Variants in ASTN1 observed in about 807,000 individuals in gnomAD.
ASTN1 encodes the protein astrotactin-1.
Under a neutral mutation model 140.7 loss-of-function variants are expected in ASTN1, and 41 were observed. The observed-to-expected ratio is 0.29, with a 90% CI of 0.23 to 0.38. ASTN1 has a LOEUF of 0.38. Among genes scored for constraint, ASTN1 ranks in the 10% least tolerant of loss-of-function variants. The pLI is 1.00. For synonymous variants in ASTN1, 640 were observed against 652.2 expected (o/e 0.98, Z 0.29); for missense variants, 1,479 against 1,678.8 (o/e 0.88, Z 2.08).
chr1:176,900,777 G>C (rs1356280046), intron 16 of ASTN1, among the ~76,000 whole-genome samples: 1 of 152,172 alleles, frequency 6.6e-6, no homozygotes, highest in Non-Finnish European at 1.5e-5. Context: ...CCGAGCCTGG[G>C]ATATATTGAG....
intron 19 of ASTN1, among the ~76,000 whole-genome samples, chr1:176,883,546 C>G (rs1347846159): frequency 6.6e-6 from 1 of 152,188 alleles, no homozygotes; most frequent in Non-Finnish European, 1.5e-5. Flanking sequence ...GCATTCTGGT[C>G]AGTGGTCCCT....
In ASTN1 at chr1:177,051,789, C is replaced by T. The variant is rs557135027; in HGVS notation, c.471+9289G>A. On this transcript the variant is annotated intron_variant, in intron 2 of 22. Coordinates refer to ENST00000361833, the MANE Select transcript of ASTN1 (RefSeq NM_004319.3). ...CTCTGAGTTCTTACATCAGTGCTGGCCATGAGCATCACCCACTACTCTAAG... is the reference window on the plus strand; with the variant it reads ...CTCTGAGTTCTTACATCAGTGCTGGTCATGAGCATCACCCACTACTCTAAG... Among the ~76,000 whole-genome samples the T allele has an allele frequency of 3.9e-5, 6 of 152,206 alleles. No individual in the cohort carries two copies. In the East Asian group the frequency reaches 9.7e-4, roughly 25 times the overall value.
At chr1:176,945,409 A>T (rs932735182) in intron 13 of ASTN1, among the ~76,000 whole-genome samples, 1 of 152,194 alleles carries the variant, frequency 6.6e-6, no homozygotes, top group Non-Finnish European at 1.5e-5. Flanking sequence ...TTTTTTGCAA[A>T]TTTAAAAAAT....
At position 176,884,417 on chromosome 1, in the gene ASTN1, T is replaced by A. The variant is rs1319405602; in HGVS notation, c.3148A>T (p.Ile1050Phe). ...AGGTAATCTACAATCTGCACCCCGA[T>A]TGGTGGCTCTGAGTGTTCCCACTCC... is the stretch of plus-strand genomic sequence containing the variant. ...VLEWEHSEPPIGVQIVDYLLR... is the reference protein window; with the variant it reads ...VLEWEHSEPPFGVQIVDYLLR... The change falls in exon 19 of 23, where the codon ATC (isoleucine) becomes TTC (phenylalanine). Residue 1050 changes from isoleucine (I) to phenylalanine (F), a missense_variant. Around this residue, in one of 3 missense-constraint regions of ASTN1, gnomAD observed 746 missense variants for 800.9 expected, o/e 0.93. Coordinates refer to ENST00000361833, the MANE Select transcript of ASTN1 (RefSeq NM_004319.3). The A allele has an allele frequency of 6.8e-6, 11 of 1,614,188 alleles. No individual in the cohort carries two copies. Among genetic ancestry groups the A allele is most frequent in the Non-Finnish European group, 9.3e-6 (11 of 1,180,042 alleles).
chr1:176,948,663 G>A (rs1378132756), intron 12 of ASTN1, among the ~76,000 whole-genome samples: 4 of 152,268 alleles, frequency 2.6e-5, no homozygotes, highest in African/African-American at 9.6e-5. Context: ...GCAAGAAAGG[G>A]CTCTTCACAC....
At chr1:176,916,213 CA>C (rs1670473869) in intron 16 of ASTN1, among the ~76,000 whole-genome samples, 1 of 152,134 alleles carries the variant, frequency 6.6e-6, no homozygotes, top group African/African-American at 2.4e-5. Context: ...GGGTCATGGT[CA>C]AACACAGGTT....
intron 1 of ASTN1, among the ~76,000 whole-genome samples, chr1:177,096,834 T>C (rs12744173): frequency 0.28 from 42,063 of 152,008 alleles, 7,596 homozygotes; most frequent in Non-Finnish European, 0.41. Flanking sequence ...CAGCCTTGGG[T>C]ATTTCTTCAT....
intron 8 of ASTN1, among the ~76,000 whole-genome samples, chr1:176,977,820 C>G (rs1673430062): frequency 6.6e-6 from 1 of 152,146 alleles, no homozygotes; most frequent in Non-Finnish European, 1.5e-5. Flanking sequence ...CACCAGAACC[C>G]TGGCAAAGAC....
chr1:177,073,866 C>T (rs1201510202), intron 1 of ASTN1, among the ~76,000 whole-genome samples: 3 of 151,242 alleles, frequency 2.0e-5, no homozygotes, highest in African/African-American at 7.3e-5. Flanking sequence ...TGAAAGTGCA[C>T]ATGGAAATGC....
In ASTN1 at chr1:176,862,391, C is replaced by G. The variant is rs1414753902; in HGVS notation, c.*1893G>C. 11 of 985,456 alleles carry G rather than the reference C, an allele frequency of 1.1e-5. No homozygotes were observed. Among genetic ancestry groups the G allele is most frequent in the Non-Finnish European group, 1.3e-5 (11 of 829,984 alleles). 61.0% of individuals were successfully genotyped at this position (985,456 alleles called of 1,614,324 possible). A position where few individuals can be genotyped will look rare whatever the true frequency, so the allele number is the denominator to read the frequency against. On this transcript the variant is annotated 3_prime_UTR_variant, in exon 23 of 23. Transcript: ENST00000361833. ...GGCCATGTGCAGTGGAACTAGGGGT[C>G]CCAAGGGTGCTCTAGCTCCAAAGGC...
At position 176,876,415 on chromosome 1, in the gene ASTN1, T is replaced by C. The variant is rs1668564444; in HGVS notation, c.3463+122A>G. On this transcript the variant is annotated intron_variant, in intron 21 of 22. Coordinates refer to ENST00000361833, the MANE Select transcript of ASTN1 (RefSeq NM_004319.3). The stretch of plus-strand genomic sequence containing the variant: ...AACGCTCCTGTACTGGGCCTTGAAT[T>C]CTCCTTCCCTGCTGAACTCCAGGTT... The C allele has an allele frequency of 2.9e-6, 3 of 1,033,504 alleles. No homozygotes were observed. The African/African-American group carries it at 4.8e-5, about 16-fold the overall frequency. 64.0% of individuals were successfully genotyped at this position (1,033,504 alleles called of 1,614,324 possible).
chr1:177,157,689 C>T (rs1244353284), intron 1 of ASTN1, among the ~76,000 whole-genome samples: 1 of 152,006 alleles, frequency 6.6e-6, no homozygotes, highest in Non-Finnish European at 1.5e-5. Flanking sequence ...CTGCTAGAAG[C>T]TTTGAGGCCC....
At position 177,065,724 on chromosome 1, in the gene ASTN1, T is replaced by C. The variant is rs146134569; in HGVS notation, c.284-4459A>G. On this transcript the variant is annotated intron_variant, in intron 1 of 22. Transcript: ENST00000361833. ...CCAGGACAGCAGCAAAAAATGCAGA[T>C]TGGTGACAACTGTGAACGTGGTGAA... Among the ~76,000 whole-genome samples the C allele has an allele frequency of 5.3e-5, 8 of 152,292 alleles. No homozygotes were observed. The East Asian group carries it at 1.4e-3, about 26-fold the overall frequency.
At chr1:176,939,245 T>G (rs1458959771) in intron 14 of ASTN1, among the ~76,000 whole-genome samples, 1 of 152,202 alleles carries the variant, frequency 6.6e-6, no homozygotes, top group Non-Finnish European at 1.5e-5. Context: ...AAACTTGGCA[T>G]TTCTTAATTG....
In ASTN1 at chr1:176,958,501, C is replaced by T; in HGVS notation, c.1599-19G>A. 1.3e-6 allele frequency: 2 copies of T among 1,599,418 alleles called. No individual in the cohort carries two copies. The highest frequency in any genetic ancestry group is 8.5e-7 in the Non-Finnish European group (1 of 1,172,534). On this transcript the variant is annotated intron_variant, in intron 9 of 22. Transcript: ENST00000361833. ...GGTGAATCTGCAGGGACACCCAGTG[C>T]CAGGTGGTCATGACTGGGGGCATAA...
At chr1:176,896,490 C>T (rs532497953) in intron 16 of ASTN1, among the ~76,000 whole-genome samples, 6 of 152,222 alleles carry the variant, frequency 3.9e-5, no homozygotes, top group Admixed American at 2.6e-4. Context: ...ACAAGCTGAC[C>T]CAAGACTCCC....
Position 177,058,801 on chromosome 1 carries a change from A to G in ASTN1, c.471+2277T>C, listed in dbSNP as rs1400944961. On this transcript the variant is annotated intron_variant, in intron 2 of 22. Coordinates refer to ENST00000361833, the MANE Select transcript of ASTN1 (RefSeq NM_004319.3). ...GGTGCTCCCATCCCCCCAGCAGTAT[A>G]CCCACCCCCACAAACATACACAAAC... 2.0e-5 allele frequency among the ~76,000 whole-genome samples: 3 copies of G among 146,414 alleles called. No homozygotes were observed. The East Asian group carries it at 6.4e-4, about 31-fold the overall frequency.
intron 1 of ASTN1, among the ~76,000 whole-genome samples, chr1:177,114,848 T>C (rs1022630731): frequency 2.0e-5 from 3 of 152,212 alleles, no homozygotes; most frequent in South Asian, 4.1e-4. Flanking sequence ...TTTCCTCTGG[T>C]TCCTGTTGCA....
chr1:176,940,980 A>G (rs539712950), intron 14 of ASTN1, among the ~76,000 whole-genome samples: 4 of 152,338 alleles, frequency 2.6e-5, no homozygotes, highest in Admixed American at 6.5e-5. Flanking sequence ...CTTTGAAGGC[A>G]GAACCTGTTT....
Sources: gnomAD v4.1 joint callset for allele counts (sites outside exome capture counted in the v4.1 genomes callset) on GRCh38, gnomAD v4.1.1 for gene constraint, gnomAD v4.1.1 regional missense constraint, MANE v1.5 for transcripts, NCBI Gene and HGNC (gene_info 2026-07-23, HGNC 2026-07-21) for gene names.